Variants in NALF1 observed in about 807,000 individuals in gnomAD.
NALF1 encodes family with sequence similarity 155 member A.
In NALF1, 3 loss-of-function variants were observed where a neutral mutation model predicts 48.4. The observed-to-expected ratio is 0.06, with a 90% CI of 0.03 to 0.16. NALF1 has a LOEUF of 0.16. Ranked by LOEUF, NALF1 falls within the 10% of genes least tolerant of loss-of-function variation. The probability of loss-of-function intolerance (pLI) is 1.00; values close to 1 mark genes in which losing one functional copy is unlikely to be tolerated. For synonymous variants in NALF1, 262 were observed against 245.7 expected, an observed-to-expected ratio of 1.07 and a Z score of -0.62; for missense variants, 526 against 571.5, an observed-to-expected ratio of 0.92 and a Z score of 0.81.
intron 2 of NALF1, among the ~76,000 whole-genome samples, chr13:107,209,881 A>G (rs1161034498): frequency 1.3e-5 from 2 of 152,168 alleles, no homozygotes; most frequent in African/African-American, 4.8e-5. Flanking sequence ...TCTTGTTCTC[A>G]CCATTTAATT....
At chr13:107,327,163 C>A (rs1336269634) in intron 1 of NALF1, among the ~76,000 whole-genome samples, 1 of 152,182 alleles carries the variant, frequency 6.6e-6, no homozygotes, top group Admixed American at 6.5e-5. Flanking sequence ...TTGCCTGCAA[C>A]TTTGCTATCA....
intron 1 of NALF1, among the ~76,000 whole-genome samples, chr13:107,347,631 T>A (rs1882798618): frequency 6.6e-6 from 1 of 152,194 alleles, no homozygotes; most frequent in Non-Finnish European, 1.5e-5. Flanking sequence ...GAATCGATGA[T>A]CCTATCCTCA....
At chr13:107,735,465 T>C (rs1273457736) in intron 1 of NALF1, among the ~76,000 whole-genome samples, 2 of 152,174 alleles carry the variant, frequency 1.3e-5, no homozygotes, top group African/African-American at 4.8e-5. Flanking sequence ...GCTCTCTTTA[T>C]CCAGGAAGGT....
chr13:107,395,823 G>C (rs1388402814), intron 1 of NALF1, among the ~76,000 whole-genome samples: 1 of 151,976 alleles, frequency 6.6e-6, no homozygotes, highest in Non-Finnish European at 1.5e-5. Context: ...GTATGTGTCT[G>C]TGCCCCAACC....
intron 1 of NALF1, among the ~76,000 whole-genome samples, chr13:107,677,363 G>C (rs2138491543): frequency 6.6e-6 from 1 of 152,334 alleles, no homozygotes; most frequent in South Asian, 2.1e-4. Context: ...TGAAGCCACA[G>C]ATGTGTAAAT....
chr13:107,402,231 TC>T (rs2138992408), intron 1 of NALF1, among the ~76,000 whole-genome samples: 1 of 152,288 alleles, frequency 6.6e-6, no homozygotes, highest in African/African-American at 2.4e-5. Flanking sequence ...GCGGAAGAGG[TC>T]CGCATATTCA....
rs535820992 is a variant in NALF1, at chr13:107,239,356, G to A, written c.916-28601C>T. 3.9e-5 allele frequency among the ~76,000 whole-genome samples: 6 copies of A among 152,270 alleles called. 1 individual carries two copies. The highest frequency in any genetic ancestry group is 6.5e-5 in the Admixed American group (1 of 15,298). On this transcript the variant is annotated intron_variant, in intron 1 of 2. Coordinates refer to ENST00000375915, the MANE Select transcript of NALF1 (RefSeq NM_001080396.3). Reference sequence around the variant, plus strand: ...CACCCTCAGTGCTCCCTGGTTTGCAGGTGCTTCACGCCAGTCTCTGCCTCT... The same window carrying A: ...CACCCTCAGTGCTCCCTGGTTTGCAAGTGCTTCACGCCAGTCTCTGCCTCT...
At chr13:107,557,066 C>T (rs1877503426) in intron 1 of NALF1, among the ~76,000 whole-genome samples, 2 of 152,046 alleles carry the variant, frequency 1.3e-5, no homozygotes, top group African/African-American at 4.8e-5. Context: ...AATAGCAGAG[C>T]AGTTTAATCA....
intron 1 of NALF1, among the ~76,000 whole-genome samples, chr13:107,609,568 C>T (rs956761734): frequency 2.0e-5 from 3 of 152,184 alleles, no homozygotes; most frequent in African/African-American, 7.2e-5. Flanking sequence ...AGCCAGTGTA[C>T]CTCCTACCTC....
At chr13:107,170,893 T>G in intron 2 of NALF1, 107 bp from the exon 3 acceptor site, 1 of 988,132 alleles carries the variant, frequency 1.0e-6, no homozygotes, top group South Asian at 1.6e-5. Flanking sequence ...TTACAGGCAA[T>G]TAGACATTTA....
rs1263397323 is a variant in NALF1, at chr13:107,675,344, A to G, written c.915+190338T>C. 2.0e-5 allele frequency among the ~76,000 whole-genome samples: 3 copies of G among 152,156 alleles called. No homozygotes were observed. In the East Asian group the frequency reaches 5.8e-4, roughly 29 times the overall value. On this transcript the variant is annotated intron_variant, in intron 1 of 2. Coordinates refer to ENST00000375915, the MANE Select transcript of NALF1 (RefSeq NM_001080396.3). ...CAAAATTCTCACTGTACCTGCGCAT[A>G]GATGGCATCACCGCCCAGAAGATGC... is the stretch of plus-strand genomic sequence containing the variant.
intron 1 of NALF1, among the ~76,000 whole-genome samples, chr13:107,847,221 T>C (rs762528265): frequency 6.6e-6 from 1 of 152,250 alleles, no homozygotes; most frequent in Non-Finnish European, 1.5e-5. Context: ...GATGGTCTCC[T>C]ATGTTTACAA....
chr13:107,331,772 T>C (rs1408564), intron 1 of NALF1, among the ~76,000 whole-genome samples: 103,785 of 152,030 alleles, frequency 0.68, 35,672 homozygotes, highest in East Asian at 0.78. Flanking sequence ...GAGAAAAATA[T>C]TATGCATATT....
chr13:107,275,427 C>T (rs1881260212), intron 1 of NALF1, among the ~76,000 whole-genome samples: 1 of 142,636 alleles, frequency 7.0e-6, no homozygotes, highest in Admixed American at 6.9e-5. Flanking sequence ...CCAATTAAAA[C>T]ACAGTCAATC....
chr13:107,741,886 A>G (rs1398974445), intron 1 of NALF1, among the ~76,000 whole-genome samples: 2 of 152,236 alleles, frequency 1.3e-5, no homozygotes, highest in African/African-American at 4.8e-5. Flanking sequence ...CCAGAAAGAC[A>G]TGGACGTGGA....
intron 1 of NALF1, among the ~76,000 whole-genome samples, chr13:107,332,772 AG>A (rs985885066): frequency 1.3e-5 from 2 of 152,200 alleles, no homozygotes; most frequent in African/African-American, 4.8e-5. Flanking sequence ...TACATGGGTA[AG>A]GTCCCACGAA....
At position 107,561,847 on chromosome 13, in the gene NALF1, C is replaced by T. The variant is rs367904737; in HGVS notation, c.915+303835G>A. Among the ~76,000 whole-genome samples the T allele has an allele frequency of 3.5e-4, 53 of 152,298 alleles. 1 individual carries two copies. In the East Asian group the frequency reaches 7.9e-3, roughly 23 times the overall value. On this transcript the variant is annotated intron_variant, in intron 1 of 2. Transcript: ENST00000375915. ...CTCTTCCATATTAACTTCTCAAAGGCAGAGACAACATATTGCTAGCCGTTA... is the reference window on the plus strand; with the variant it reads ...CTCTTCCATATTAACTTCTCAAAGGTAGAGACAACATATTGCTAGCCGTTA...
At chr13:107,309,759 C>T (rs1208652294) in intron 1 of NALF1, among the ~76,000 whole-genome samples, 1 of 152,170 alleles carries the variant, frequency 6.6e-6, no homozygotes, top group Non-Finnish European at 1.5e-5. Context: ...ATAGTTGGAA[C>T]ACATAGCAAA....
intron 1 of NALF1, among the ~76,000 whole-genome samples, chr13:107,359,769 T>A (rs1225790281): frequency 6.6e-6 from 1 of 152,142 alleles, no homozygotes; most frequent in Non-Finnish European, 1.5e-5. Context: ...CTTCAAAGAT[T>A]CTGTCTTTGT....
Sources: gnomAD v4.1 joint callset for allele counts (sites outside exome capture counted in the v4.1 genomes callset) on GRCh38, gnomAD v4.1.1 for gene constraint, MANE v1.5 for transcripts, NCBI Gene and HGNC (gene_info 2026-07-23, HGNC 2026-07-21) for gene names.